HSPBP1: variants seen among roughly 807,000 people sequenced by gnomAD.
HSPBP1 encodes the protein hsp70-binding protein 1.
Under a neutral mutation model 41.7 loss-of-function variants are expected in HSPBP1, and 31 were observed. The ratio of observed to expected loss-of-function variants is 0.74; its 90% confidence interval spans 0.56 to 1.00. The LOEUF (loss-of-function observed/expected upper bound fraction) is 1.00. Among genes scored for constraint, HSPBP1 ranks in the 50% least tolerant of loss-of-function variants. The pLI, the probability that HSPBP1 is intolerant of heterozygous loss-of-function variation, is 0.00. For synonymous variants in HSPBP1, 199 were observed against 214.4 expected, an observed-to-expected ratio of 0.93 and a Z score of 0.63; for missense variants, 439 against 487.9, an observed-to-expected ratio of 0.90 and a Z score of 0.94.
chr19:55,268,413 A>G lies in HSPBP1; in HGVS notation c.641-2127T>C, dbSNP rs1030748733. ...CCATTACACTCCAGCCTGAGCAAAA[A>G]GAGCGAAACTCCATCTCACACACAC... On this transcript the variant is annotated intron_variant, in intron 4 of 7. Coordinates refer to ENST00000433386, the MANE Select transcript of HSPBP1 (RefSeq NM_012267.5). The surrounding 1 kb of genome is among the most constrained non-coding windows in gnomAD (Gnocchi z 4.5). Among the ~76,000 whole-genome samples the G allele has an allele frequency of 1.1e-4, 17 of 152,098 alleles. No individual in the cohort carries two copies. The highest frequency in any genetic ancestry group is 2.5e-4 in the Non-Finnish European group (17 of 68,024).
rs948318395 is a variant in HSPBP1 at position 55,268,608 on chromosome 19, T to C, written c.641-2322A>G. ...AATACAGTGTCTCATTAATAGTCCA[T>C]ATTAATTACACATTGAAATTATAAT... On this transcript the variant is annotated intron_variant, in intron 4 of 7. Transcript: ENST00000433386. This position sits in a 1 kb window ranked among gnomAD's most constrained non-coding sequence, Gnocchi z 4.5. Among the ~76,000 whole-genome samples the C allele has an allele frequency of 4.6e-5, 7 of 152,230 alleles. No homozygotes were observed. The highest frequency in any genetic ancestry group is 3.3e-4 in the Admixed American group (5 of 15,286).
chr19:55,275,874 G>A (rs2088056980), intron 3 of HSPBP1, among the ~76,000 whole-genome samples: 1 of 151,738 alleles, frequency 6.6e-6, no homozygotes, highest in Non-Finnish European at 1.5e-5. Flanking sequence ...TTTGAACCCG[G>A]GAGGCACAGG....
intron 4 of HSPBP1, among the ~76,000 whole-genome samples, chr19:55,271,686 G>A (rs1050342367): frequency 6.6e-6 from 1 of 152,154 alleles, no homozygotes; most frequent in African/African-American, 2.4e-5. Flanking sequence ...GATACATGGG[G>A]GTGAGGGAGA....
chr19:55,279,884 A>AC (rs1328772556), intron 1 of HSPBP1, 151 bp downstream of exon 1: 10 of 602,172 alleles, frequency 1.7e-5, no homozygotes, highest in Admixed American at 3.1e-5. Context: ...CCTGGCAACA[A>AC]CCCCCCTTCC....
intron 3 of HSPBP1, among the ~76,000 whole-genome samples, chr19:55,276,104 C>CAAAA (rs59561808): frequency 4.5e-5 from 3 of 65,952 alleles, no homozygotes; most frequent in African/African-American, 6.2e-5. Flanking sequence ...GAGACTGACT[C>CAAAA]AAAAAAAAAA....
chr19:55,270,757 A>G lies in HSPBP1; in HGVS notation c.640+3641T>C, dbSNP rs2087902997. The stretch of plus-strand genomic sequence containing the variant: ...CACACCACATCCACACATCCCACAC[A>G]CGCCATGCACATCCACACACCACAC... On this transcript the variant is annotated intron_variant, in intron 4 of 7. Transcript: ENST00000433386. The surrounding 1 kb of genome is among the most constrained non-coding windows in gnomAD (Gnocchi z 5.4). Among the ~76,000 whole-genome samples, 1 of 151,022 alleles carries G rather than the reference A, an allele frequency of 6.6e-6. No homozygotes were observed. Among genetic ancestry groups the G allele is most frequent in the African/African-American group, 2.4e-5 (1 of 41,020 alleles).
rs759391886 is a variant in HSPBP1, at chr19:55,266,236, C to A, written c.691G>T (p.Gly231Cys). 2.5e-6 allele frequency: 4 copies of A among 1,583,402 alleles called. No homozygotes were observed. The Admixed American group carries it at 5.4e-5, about 21-fold the overall frequency. ...AGLLQFLRLDGFSVLMRAMQQ... is the reference protein window; with the variant it reads ...AGLLQFLRLDCFSVLMRAMQQ... ...ATGGCCCTCATCAACACAGAGAAGCCGTCCAGGCGGAGGAACTGCAGCAGC... is the reference window on the plus strand; with the variant it reads ...ATGGCCCTCATCAACACAGAGAAGCAGTCCAGGCGGAGGAACTGCAGCAGC... The change falls in exon 5 of 8, where the codon GGC (glycine) becomes TGC (cysteine). Residue 231 changes from glycine (G) to cysteine (C), a missense_variant. Gly to Cys is a radical substitution (Grantham distance 159). Coordinates refer to ENST00000433386, the MANE Select transcript of HSPBP1 (RefSeq NM_012267.5).
intron 4 of HSPBP1, among the ~76,000 whole-genome samples, chr19:55,271,169 T>C (rs931365766): frequency 1.3e-5 from 2 of 152,226 alleles, no homozygotes; most frequent in Admixed American, 1.3e-4. Context: ...CTTTTGTACC[T>C]GGTGAACGAT....
rs573949762 is a variant in HSPBP1, at chr19:55,278,471, T to C, written c.211-625A>G. 2.0e-5 allele frequency among the ~76,000 whole-genome samples: 3 copies of C among 152,322 alleles called. No individual in the cohort carries two copies. In the South Asian group the frequency reaches 6.2e-4, roughly 32 times the overall value. ...GTAATTGTCGATTAAACATTATATA[T>C]AATAGCTATCGCTATGAATCTGCAA... On this transcript the variant is annotated intron_variant, in intron 2 of 7. Coordinates refer to ENST00000433386, the MANE Select transcript of HSPBP1 (RefSeq NM_012267.5).
In HSPBP1 at chr19:55,272,068, CA is replaced by C. The variant is rs1336020065; in HGVS notation, c.640+2329del. Reference sequence around the variant, plus strand: ...CAGAGCGAGACTCCGTCTCAAGAAACAAAAAAAGAAAAAAAAAAAAGCCAAC... The same window carrying C: ...CAGAGCGAGACTCCGTCTCAAGAAACAAAAAAGAAAAAAAAAAAAGCCAAC... On this transcript the variant is annotated intron_variant, in intron 4 of 7. Coordinates refer to ENST00000433386, the MANE Select transcript of HSPBP1 (RefSeq NM_012267.5). This position sits in a 1 kb window ranked among gnomAD's most constrained non-coding sequence, Gnocchi z 4.2. Among the ~76,000 whole-genome samples, 1 of 140,392 alleles carries C rather than the reference CA, an allele frequency of 7.1e-6. No individual in the cohort carries two copies. The highest frequency in any genetic ancestry group is 1.6e-5 in the Non-Finnish European group (1 of 63,940). 92.1% of individuals were successfully genotyped at this position (140,392 alleles called of 152,430 possible). A position where few individuals can be genotyped will look rare whatever the true frequency, so the allele number is the denominator to read the frequency against.
In HSPBP1 at chr19:55,270,651, G is replaced by A. The variant is rs556112884; in HGVS notation, c.640+3747C>T. ...GCCAGCCGTGCACATCTGAGGAAACGAGATTAATCCGTGTGTCTGTGTGCA... is the reference window on the plus strand; with the variant it reads ...GCCAGCCGTGCACATCTGAGGAAACAAGATTAATCCGTGTGTCTGTGTGCA... On this transcript the variant is annotated intron_variant, in intron 4 of 7. Coordinates refer to ENST00000433386, the MANE Select transcript of HSPBP1 (RefSeq NM_012267.5). This position sits in a 1 kb window ranked among gnomAD's most constrained non-coding sequence, Gnocchi z 5.4. 1.6e-4 allele frequency among the ~76,000 whole-genome samples: 25 copies of A among 152,128 alleles called. No homozygotes were observed. The highest frequency in any genetic ancestry group is 4.6e-4 in the African/African-American group (19 of 41,486).
intron 7 of HSPBP1, among the ~76,000 whole-genome samples, chr19:55,264,426 TA>T (rs2087719812): frequency 6.6e-6 from 1 of 152,238 alleles, no homozygotes; most frequent in Non-Finnish European, 1.5e-5. Context: ...ATGCATTACT[TA>T]ATCAGTTAAC....
intron 4 of HSPBP1, 43 bp downstream of exon 4, chr19:55,274,355 C>CA (rs750010173): frequency 3.1e-6 from 2 of 655,576 alleles, no homozygotes; most frequent in East Asian, 3.2e-5. Flanking sequence ...GCACCCCCCC[C>CA]CACCGCCAGC....
intron 3 of HSPBP1, among the ~76,000 whole-genome samples, chr19:55,277,038 A>AC (rs749320960): frequency 1.8e-4 from 28 of 152,138 alleles, no homozygotes; most frequent in Non-Finnish European, 3.7e-4. Flanking sequence ...CTCAATTGCT[A>AC]CACCACCCAA....
chr19:55,275,483 G>T (rs537410696), intron 3 of HSPBP1, among the ~76,000 whole-genome samples: 1 of 152,284 alleles, frequency 6.6e-6, no homozygotes, highest in East Asian at 1.9e-4. Flanking sequence ...ATACAACGGA[G>T]TATTACTCAG....
intron 7 of HSPBP1, among the ~76,000 whole-genome samples, chr19:55,263,262 T>C (rs2087692463): frequency 6.6e-6 from 1 of 152,120 alleles, no homozygotes. Context: ...ATGGGAGAAA[T>C]GTAAACTGGA....
At chr19:55,262,817 T>G in intron 7 of HSPBP1, 135 bp from the exon 8 acceptor site, 1 of 731,964 alleles carries the variant, frequency 1.4e-6, no homozygotes, top group East Asian at 2.7e-5. Flanking sequence ...AGGTTAGGCT[T>G]TTTTAATCAC....
intron 7 of HSPBP1, among the ~76,000 whole-genome samples, chr19:55,263,002 A>G (rs2122793816): frequency 6.6e-6 from 1 of 152,354 alleles, no homozygotes; most frequent in Non-Finnish European, 1.5e-5. Context: ...TACAAACCCC[A>G]GAAACCATGA....
chr19:55,267,079 T>C (rs759601190), intron 4 of HSPBP1, among the ~76,000 whole-genome samples: 17 of 152,216 alleles, frequency 1.1e-4, no homozygotes, highest in Non-Finnish European at 1.9e-4. Flanking sequence ...ATTGTATGGA[T>C]ATACCATATT....
Sources: gnomAD v4.1 joint callset for allele counts (sites outside exome capture counted in the v4.1 genomes callset) on GRCh38, gnomAD v4.1.1 for gene constraint, Gnocchi (gnomAD v3.1) non-coding constraint, MANE v1.5 for transcripts, NCBI Gene and HGNC (gene_info 2026-07-23, HGNC 2026-07-21) for gene names.